The following ADAM22 variants were observed in gnomAD, a reference collection of about 807,000 sequenced individuals.
The protein encoded by ADAM22 is disintegrin and metalloproteinase domain-containing protein 22.
Under a neutral mutation model 144.6 loss-of-function variants are expected in ADAM22, and 65 were observed. The observed-to-expected ratio is 0.45, with a 90% confidence interval of 0.37 to 0.55. The LOEUF is 0.55. ADAM22 is among the 20% of genes least tolerant of loss of function. ADAM22 has a pLI of 0.00. For missense variants in ADAM22, 974 were observed against 1,184.9 expected (o/e 0.82, Z 2.61); for synonymous variants, 391 against 412.6 (o/e 0.95, Z 0.63).
chr7:88,007,430 C>T (rs1357597361), intron 3 of ADAM22, among the ~76,000 whole-genome samples: 11 of 152,064 alleles, frequency 7.2e-5, no homozygotes, highest in Non-Finnish European at 1.5e-4. Context: ...AAAAAGAGCC[C>T]GCATTGCCAA....
At chr7:88,034,004 C>T (rs548720214) in intron 3 of ADAM22, among the ~76,000 whole-genome samples, 5 of 152,258 alleles carry the variant, frequency 3.3e-5, no homozygotes, top group African/African-American at 1.2e-4. Context: ...AGCCTGGGAC[C>T]TAGTACTTCA....
intron 30 of ADAM22, among the ~76,000 whole-genome samples, chr7:88,186,937 T>C (rs1235576945): frequency 6.6e-6 from 1 of 152,214 alleles, no homozygotes; most frequent in Non-Finnish European, 1.5e-5. Flanking sequence ...CATGTCCCTA[T>C]CACCATCTTA....
intron 2 of ADAM22, among the ~76,000 whole-genome samples, chr7:87,950,388 G>A (rs1844753133): frequency 6.8e-6 from 1 of 146,002 alleles, no homozygotes; most frequent in African/African-American, 2.6e-5. Flanking sequence ...AACATGCGGT[G>A]TTTGGTTTTT....
At position 88,171,570 on chromosome 7, in the gene ADAM22, TA is replaced by T. The variant is rs1457584942; in HGVS notation, c.2300+10del. 6.3e-7 allele frequency: 1 copy of T among 1,579,034 alleles called. No individual in the cohort carries two copies. Among genetic ancestry groups the T allele is most frequent in the East Asian group, 2.4e-5 (1 of 42,410 alleles). ...AACTATCGAGAACAGAGGTATGTAA[TA>T]CAAATAATGTGAACATAAAACTGAA... On this transcript the variant is annotated intron_variant, in intron 26 of 31. Transcript: ENST00000413139.
chr7:88,066,365 G>T (rs1811245581), intron 3 of ADAM22, among the ~76,000 whole-genome samples: 1 of 152,116 alleles, frequency 6.6e-6, no homozygotes, highest in African/African-American at 2.4e-5. Context: ...ATCACTCTAT[G>T]ATTTTTGGCC....
chr7:88,104,098 A>C (rs897716087), intron 4 of ADAM22, among the ~76,000 whole-genome samples: 14 of 152,154 alleles, frequency 9.2e-5, no homozygotes, highest in African/African-American at 3.4e-4. Context: ...TGACAGCAAA[A>C]AAGGAGATTA....
At position 88,158,850 on chromosome 7, in the gene ADAM22, T is replaced by C. The variant is rs886502765; in HGVS notation, c.1907+2844T>C. 3.3e-5 allele frequency among the ~76,000 whole-genome samples: 5 copies of C among 151,526 alleles called. No homozygotes were observed. The East Asian group carries it at 5.8e-4, about 18-fold the overall frequency. ...AATCTAACATCACAACTAAAAGAAC[T>C]AGAGAAGCAAGAACAAACCAACCCC... On this transcript the variant is annotated intron_variant, in intron 22 of 31. Transcript: ENST00000413139.
In ADAM22 at chr7:88,029,357, A is replaced by G. The variant is rs575931137; in HGVS notation, c.324-46269A>G. Among the ~76,000 whole-genome samples, 7 of 152,192 alleles carry G rather than the reference A, an allele frequency of 4.6e-5. No homozygotes were observed. In the South Asian group the frequency reaches 1.4e-3, roughly 31 times the overall value. ...CATAAATACACAAAAGAAAGCTAAT[A>G]TAAACTCTGCACTTTAATTTTGTCC... is the stretch of plus-strand genomic sequence containing the variant. On this transcript the variant is annotated intron_variant, in intron 3 of 31. Coordinates refer to ENST00000413139, the MANE Select transcript of ADAM22 (RefSeq NM_001324418.2).
chr7:87,978,932 A>C (rs919104645), intron 3 of ADAM22, among the ~76,000 whole-genome samples: 2 of 151,944 alleles, frequency 1.3e-5, no homozygotes, highest in African/African-American at 2.4e-5. Flanking sequence ...ATAGTTGTCT[A>C]TCTAGAATTT....
intron 3 of ADAM22, among the ~76,000 whole-genome samples, chr7:88,050,237 A>C (rs955240545): frequency 2.7e-4 from 40 of 150,170 alleles, no homozygotes; most frequent in African/African-American, 8.0e-4. Flanking sequence ...AAAAAAAAAA[A>C]AAAAAAACCT....
intron 3 of ADAM22, among the ~76,000 whole-genome samples, chr7:87,981,650 A>G (rs773609581): frequency 6.6e-6 from 1 of 152,144 alleles, no homozygotes; most frequent in African/African-American, 2.4e-5. Flanking sequence ...ATTTAGAGAA[A>G]GCATTTCCAA....
intron 29 of ADAM22, among the ~76,000 whole-genome samples, chr7:88,184,906 T>C (rs570498123): frequency 6.6e-6 from 1 of 152,330 alleles, no homozygotes; most frequent in East Asian, 1.9e-4. Flanking sequence ...GTGGCACCAG[T>C]ACTTTGAGTT....
At chr7:88,085,992 C>T (rs565698404) in intron 4 of ADAM22, among the ~76,000 whole-genome samples, 36 of 152,114 alleles carry the variant, frequency 2.4e-4, no homozygotes, top group East Asian at 7.8e-4. Context: ...ATGGCTAACA[C>T]GGTGAAACCC....
intron 2 of ADAM22, among the ~76,000 whole-genome samples, chr7:87,940,181 C>CA (rs35309253): frequency 0.16 from 11,658 of 74,852 alleles, 718 homozygotes; most frequent in East Asian, 0.19. Flanking sequence ...GTCTTTATCT[C>CA]AAAAAAAAAA....
chr7:88,146,974 C>T (rs1836666893), intron 17 of ADAM22, among the ~76,000 whole-genome samples: 1 of 152,202 alleles, frequency 6.6e-6, no homozygotes, highest in South Asian at 2.1e-4. Context: ...TTTTCCACTG[C>T]CGTAACAAGA....
At chr7:88,150,656 A>G (rs562607012) in intron 18 of ADAM22, among the ~76,000 whole-genome samples, 1 of 152,282 alleles carries the variant, frequency 6.6e-6, no homozygotes, top group South Asian at 2.1e-4. Flanking sequence ...TGTATCATTA[A>G]TTGAGTCTAT....
Position 88,039,088 on chromosome 7 carries a change from A to G in ADAM22, c.324-36538A>G, listed in dbSNP as rs1350688698. Among the ~76,000 whole-genome samples the G allele has an allele frequency of 2.0e-5, 3 of 152,022 alleles. No individual in the cohort carries two copies. In the East Asian group the frequency reaches 5.8e-4, roughly 29 times the overall value. On this transcript the variant is annotated intron_variant, in intron 3 of 31. Coordinates refer to ENST00000413139, the MANE Select transcript of ADAM22 (RefSeq NM_001324418.2). The stretch of plus-strand genomic sequence containing the variant: ...AAGAGCTCCAGATTTTTCCAAGACT[A>G]TGGATCTGCAAAGGATGGTAGTCAT...
chr7:88,001,225 T>C (rs997383934), intron 3 of ADAM22, among the ~76,000 whole-genome samples: 1 of 152,222 alleles, frequency 6.6e-6, no homozygotes, highest in Non-Finnish European at 1.5e-5. Context: ...TTTGGAAGAT[T>C]TGCATATATA....
intron 20 of ADAM22, among the ~76,000 whole-genome samples, chr7:88,151,797 G>A (rs1478046005): frequency 6.6e-6 from 1 of 152,038 alleles, no homozygotes; most frequent in Non-Finnish European, 1.5e-5. Flanking sequence ...TCCTAGTTAC[G>A]CACTTCTGCT....
Sources: gnomAD v4.1 joint callset for allele counts (sites outside exome capture counted in the v4.1 genomes callset) on GRCh38, gnomAD v4.1.1 for gene constraint, MANE v1.5 for transcripts, NCBI Gene and HGNC (gene_info 2026-07-23, HGNC 2026-07-21) for gene names.